The following STAG1 variants were observed in gnomAD, a reference collection of about 807,000 sequenced individuals.
STAG1 encodes the protein cohesin subunit SA-1.
Under a neutral mutation model 170.9 loss-of-function variants are expected in STAG1, and 26 were observed. The ratio of observed to expected loss-of-function variants is 0.15; its 90% confidence interval spans 0.11 to 0.21. STAG1 has a LOEUF of 0.21. Ranked by LOEUF, STAG1 falls within the 10% of genes least tolerant of loss-of-function variation. The pLI, the probability that STAG1 is intolerant of heterozygous loss-of-function variation, is 1.00. For synonymous variants in STAG1, 514 were observed against 497.7 expected (o/e 1.03, Z -0.44); for missense variants, 964 against 1,509.5 (o/e 0.64, Z 5.99).
chr3:136,687,002 C>G (rs1942551662), intron 1 of STAG1, among the ~76,000 whole-genome samples: 1 of 152,160 alleles, frequency 6.6e-6, no homozygotes, highest in Admixed American at 6.5e-5. Flanking sequence ...AAGGATCTAA[C>G]AACTGGGACC....
intron 1 of STAG1, among the ~76,000 whole-genome samples, chr3:136,715,168 TAAC>T (rs1943505137): frequency 1.1e-5 from 1 of 92,840 alleles, no homozygotes; most frequent in African/African-American, 7.0e-5. Context: ...TGGGGTTTTT[TAAC>T]TTTTTTTTTT....
intron 4 of STAG1, among the ~76,000 whole-genome samples, chr3:136,573,854 C>T (rs1937354568): frequency 6.6e-6 from 1 of 151,776 alleles, no homozygotes; most frequent in Non-Finnish European, 1.5e-5. Context: ...GCCTGTAATC[C>T]CAGCTAATCA....
At chr3:136,438,240 CT>C (rs371190637) in intron 15 of STAG1, among the ~76,000 whole-genome samples, 458 of 128,160 alleles carry the variant, frequency 3.6e-3, no homozygotes, top group African/African-American at 4.2e-3. Flanking sequence ...AGTTTCTTTT[CT>C]TTTTTTTTTT....
chr3:136,634,971 T>C (rs75798959), intron 1 of STAG1, among the ~76,000 whole-genome samples: 14,417 of 152,056 alleles, frequency 0.095, 2,225 homozygotes, highest in African/African-American at 0.33. Context: ...AAAAGAACTA[T>C]AACGAGACAC....
chr3:136,466,571 A>G (rs1201566815), intron 12 of STAG1, among the ~76,000 whole-genome samples: 2 of 152,206 alleles, frequency 1.3e-5, no homozygotes, highest in African/African-American at 4.8e-5. Context: ...CAAGTTGGAA[A>G]ACACTCTGCA....
rs1290394550 is a variant in STAG1 at position 136,423,005 on chromosome 3, T to C, written c.1690A>G (p.Arg564Gly). 2 of 1,608,272 alleles carry C rather than the reference T, an allele frequency of 1.2e-6. No homozygotes were observed. Among genetic ancestry groups the C allele is most frequent in the Non-Finnish European group, 1.7e-6 (2 of 1,177,388 alleles). ...AKERKTQIDD[R>G]NKLTEHFIIT... Reference sequence around the variant, plus strand: ...ATAAAATGTTCAGTCAATTTGTTTCTATCATCAATTTGAGTTTTCCTTTCT... The same window carrying C: ...ATAAAATGTTCAGTCAATTTGTTTCCATCATCAATTTGAGTTTTCCTTTCT... The change falls in exon 17 of 34, where the codon AGA (arginine) becomes GGA (glycine). Residue 564 changes from arginine (R) to glycine (G), a missense_variant. Physicochemically the swap from Arg to Gly is moderately radical, Grantham distance 125. Around this residue, in one of 11 missense-constraint regions of STAG1, gnomAD observed 232 missense variants for 313.0 expected, o/e 0.74. Transcript: ENST00000383202.
At chr3:136,660,548 C>G (rs1941544939) in intron 1 of STAG1, among the ~76,000 whole-genome samples, 1 of 152,114 alleles carries the variant, frequency 6.6e-6, no homozygotes, top group Admixed American at 6.6e-5. Flanking sequence ...CTGTAACACT[C>G]AAATACAGGA....
At chr3:136,672,596 A>T (rs902720154) in intron 1 of STAG1, among the ~76,000 whole-genome samples, 2 of 152,192 alleles carry the variant, frequency 1.3e-5, no homozygotes, top group African/African-American at 4.8e-5. Flanking sequence ...CTGCCACAAA[A>T]CACAAAAATT....
chr3:136,646,499 T>C (rs927876460), intron 1 of STAG1, among the ~76,000 whole-genome samples: 4 of 152,230 alleles, frequency 2.6e-5, no homozygotes, highest in Admixed American at 2.6e-4. Context: ...TCACTCTTTA[T>C]CCTTCAATAC....
intron 6 of STAG1, among the ~76,000 whole-genome samples, chr3:136,533,165 A>G (rs1023672340): frequency 6.6e-6 from 1 of 152,206 alleles, no homozygotes; most frequent in African/African-American, 2.4e-5. Context: ...TACAACAGCT[A>G]GAAAAAATAA....
intron 4 of STAG1, among the ~76,000 whole-genome samples, chr3:136,586,477 T>C (rs1208282249): frequency 1.3e-5 from 2 of 152,134 alleles, no homozygotes; most frequent in Non-Finnish European, 2.9e-5. Flanking sequence ...AATAATAACA[T>C]CAATATATTT....
intron 5 of STAG1, among the ~76,000 whole-genome samples, chr3:136,553,231 T>G (rs1376575989): frequency 6.6e-6 from 1 of 152,096 alleles, no homozygotes; most frequent in East Asian, 1.9e-4. Flanking sequence ...AGAACTCGAA[T>G]TTGGGGGGGA....
intron 1 of STAG1, among the ~76,000 whole-genome samples, 165 bp downstream of exon 1, chr3:136,752,030 C>G (rs1358646312): frequency 1.3e-5 from 2 of 150,900 alleles, no homozygotes; most frequent in Non-Finnish European, 3.0e-5. Context: ...CGCGCGGCCT[C>G]CCTCCCCCGC....
At chr3:136,685,790 T>C (rs1174438961) in intron 1 of STAG1, among the ~76,000 whole-genome samples, 1 of 152,164 alleles carries the variant, frequency 6.6e-6, no homozygotes, top group Non-Finnish European at 1.5e-5. Flanking sequence ...GGGACTAGTA[T>C]GCCGAGTATC....
chr3:136,569,027 T>C (rs1937174520), intron 4 of STAG1, among the ~76,000 whole-genome samples, 166 bp from the exon 5 acceptor site: 1 of 152,152 alleles, frequency 6.6e-6, no homozygotes, highest in African/African-American at 2.4e-5. Flanking sequence ...CTCCCTTATT[T>C]TTAAAGGCCA....
intron 10 of STAG1, 147 bp downstream of exon 10, chr3:136,477,142 T>A: frequency 1.2e-6 from 1 of 810,610 alleles, no homozygotes; most frequent in South Asian, 2.7e-5. Context: ...ATCACAATCA[T>A]CAAGTAAATA....
chr3:136,364,978 ATTTCT>A (rs987230418), intron 25 of STAG1, among the ~76,000 whole-genome samples: 24 of 152,330 alleles, frequency 1.6e-4, no homozygotes, highest in Admixed American at 8.5e-4. Context: ...GAGCAGGCAG[ATTTCT>A]TTTAAGTTCA....
chr3:136,497,088 C>T (rs935560899), intron 9 of STAG1, among the ~76,000 whole-genome samples: 6 of 152,106 alleles, frequency 3.9e-5, no homozygotes, highest in Admixed American at 3.9e-4. Flanking sequence ...CCTATATCTA[C>T]TGGAGAAAAT....
At chr3:136,440,113 C>A (rs1483226962) in intron 15 of STAG1, among the ~76,000 whole-genome samples, 1 of 152,090 alleles carries the variant, frequency 6.6e-6, no homozygotes, top group African/African-American at 2.4e-5. Context: ...AGCAGACCAT[C>A]TTGTCTTGTC....
Sources: allele counts gnomAD v4.1 joint callset (sites outside exome capture counted in the v4.1 genomes callset), GRCh38; gene constraint gnomAD v4.1.1; regional missense constraint gnomAD v4.1.1; transcripts MANE v1.5; gene names NCBI Gene and HGNC (gene_info 2026-07-23, HGNC 2026-07-21).